The following CDH4 variants were observed in gnomAD, a reference collection of about 807,000 sequenced individuals.
CDH4 encodes cadherin-4.
A neutral mutation model predicts 86.0 loss-of-function variants in CDH4; 33 were observed. That is an observed-to-expected ratio of 0.38 (90% CI 0.29 to 0.51). The LOEUF (loss-of-function observed/expected upper bound fraction) is 0.51, where lower values mean the gene tolerates loss of function less well. Among genes scored for constraint, CDH4 ranks in the 20% least tolerant of loss-of-function variants. The pLI is 0.86. For missense variants in CDH4, 1,114 were observed against 1,307.4 expected, an observed-to-expected ratio of 0.85 and a Z score of 2.28; for synonymous variants, 555 against 549.4, an observed-to-expected ratio of 1.01 and a Z score of -0.14.
chr20:61,896,368 C>G (rs116511654), intron 8 of CDH4, among the ~76,000 whole-genome samples: 3,076 of 152,336 alleles, frequency 0.02, 107 homozygotes, highest in African/African-American at 0.07. Flanking sequence ...GCGGCCGTCC[C>G]GCATCTGGGC....
At chr20:61,465,856 C>CT (rs908023440) in intron 2 of CDH4, among the ~76,000 whole-genome samples, 3 of 147,676 alleles carry the variant, frequency 2.0e-5, no homozygotes, top group Non-Finnish European at 4.5e-5. Flanking sequence ...GTAAATAGGA[C>CT]TTTTTTTTCT....
At chr20:61,668,930 G>A (rs986212732) in intron 2 of CDH4, among the ~76,000 whole-genome samples, 59 of 152,208 alleles carry the variant, frequency 3.9e-4, no homozygotes, top group Non-Finnish European at 7.1e-4. Context: ...AGCACCGTCC[G>A]CCAGCCCCTC....
At chr20:61,317,034 T>G (rs1445071265) in intron 2 of CDH4, among the ~76,000 whole-genome samples, 5 of 151,924 alleles carry the variant, frequency 3.3e-5, no homozygotes, top group African/African-American at 4.8e-5. Context: ...TTTAGTTTAT[T>G]TATATACTTA....
chr20:61,309,052 A>G (rs976538338), intron 2 of CDH4, among the ~76,000 whole-genome samples: 1 of 152,214 alleles, frequency 6.6e-6, no homozygotes, highest in African/African-American at 2.4e-5. Flanking sequence ...GAAAATTTGG[A>G]GCCCCTTGTT....
chr20:61,436,357 A>T (rs953029340), intron 2 of CDH4: 1 of 152,250 alleles, frequency 6.6e-6, no homozygotes, highest in African/African-American at 2.4e-5. Context: ...AAAGTCTCCA[A>T]AAGACTACCC....
At chr20:61,312,056 A>G (rs1489436461) in intron 2 of CDH4, among the ~76,000 whole-genome samples, 1 of 151,904 alleles carries the variant, frequency 6.6e-6, no homozygotes, top group Non-Finnish European at 1.5e-5. Flanking sequence ...GACTGCATGT[A>G]TTTGTGATGT....
intron 2 of CDH4, among the ~76,000 whole-genome samples, chr20:61,409,145 G>A (rs1439280368): frequency 6.6e-6 from 1 of 152,208 alleles, no homozygotes; most frequent in Non-Finnish European, 1.5e-5. Flanking sequence ...ATCACGTGGT[G>A]GGGACAGCTC....
At chr20:61,559,259 A>G (rs1462560471) in intron 2 of CDH4, among the ~76,000 whole-genome samples, 1 of 152,168 alleles carries the variant, frequency 6.6e-6, no homozygotes, top group Non-Finnish European at 1.5e-5. Context: ...CGGAGGTTGC[A>G]GTAAGCCAAG....
In CDH4 at chr20:61,290,397, G is replaced by A. The variant is rs867810299; in HGVS notation, c.169+35460G>A. Among the ~76,000 whole-genome samples the A allele has an allele frequency of 5.9e-3, 331 of 56,426 alleles. 6 individuals are homozygous for A. The highest frequency in any genetic ancestry group is 0.017 in the African/African-American group (181 of 10,888). The allele number at this position is 56,426 out of a possible 152,430, so 37.0% of individuals were successfully genotyped here. ...CCCCGTATCCAATGAGACTTGCTGG[G>A]TTTATCCCCGTATCCAATGAGACTT... is the stretch of plus-strand genomic sequence containing the variant. On this transcript the variant is annotated intron_variant, in intron 2 of 15. Transcript: ENST00000614565.
At chr20:61,869,079 A>C (rs2146141584) in intron 6 of CDH4, among the ~76,000 whole-genome samples, 1 of 152,364 alleles carries the variant, frequency 6.6e-6, no homozygotes, top group African/African-American at 2.4e-5. Flanking sequence ...TTATTCTGAG[A>C]CTAAGTCTTT....
chr20:61,628,878 T>C (rs1244281623), intron 2 of CDH4, among the ~76,000 whole-genome samples: 1 of 152,260 alleles, frequency 6.6e-6, no homozygotes, highest in Non-Finnish European at 1.5e-5. Context: ...CTCTCCTTCC[T>C]GGCTTGCACA....
rs201340790 is a variant in CDH4 at position 61,296,461 on chromosome 20, G to GT, written c.169+41530dup. 5.2e-3 allele frequency among the ~76,000 whole-genome samples: 794 copies of GT among 151,874 alleles called. 3 individuals are homozygous for GT. The highest frequency in any genetic ancestry group is 8.8e-3 in the Non-Finnish European group (597 of 67,956). On this transcript the variant is annotated intron_variant, in intron 2 of 15. Transcript: ENST00000614565. ...GGCCTGCCTGACCCTGGATCTCAAA[G>GT]TTTTTTGACCATGATTCATAGAAAA...
Position 61,253,639 on chromosome 20 carries a change from G to A in CDH4, c.57+1069G>A, listed in dbSNP as rs113941640. Among the ~76,000 whole-genome samples, 458 of 152,304 alleles carry A rather than the reference G, an allele frequency of 3.0e-3. 1 individual carries two copies. Among genetic ancestry groups the A allele is most frequent in the African/African-American group, 0.011 (441 of 41,572 alleles). ...GAGCCTCCCACCGGGCTGCGGGTGC[G>A]ATTTGGAGCTTCGTGGCCGATGAAG... On this transcript the variant is annotated intron_variant, in intron 1 of 15. Transcript: ENST00000614565.
intron 2 of CDH4, among the ~76,000 whole-genome samples, chr20:61,519,943 C>T (rs531334232): frequency 2.6e-4 from 39 of 152,340 alleles, no homozygotes; most frequent in Non-Finnish European, 4.6e-4. Context: ...CCACCAACTG[C>T]TGGGCCACAT....
chr20:61,787,578 A>G (rs948810963), intron 4 of CDH4, among the ~76,000 whole-genome samples: 7 of 152,070 alleles, frequency 4.6e-5, no homozygotes, highest in African/African-American at 1.7e-4. Context: ...AACCATATCA[A>G]CCCCCAGGTG....
intron 2 of CDH4, among the ~76,000 whole-genome samples, chr20:61,545,082 G>C (rs2086068251): frequency 6.6e-6 from 1 of 152,172 alleles, no homozygotes; most frequent in Admixed American, 6.5e-5. Flanking sequence ...CTGACGCGGA[G>C]ACAGTGTCTC....
intron 2 of CDH4, among the ~76,000 whole-genome samples, chr20:61,734,729 C>G (rs946286428): frequency 6.6e-6 from 1 of 151,616 alleles, no homozygotes; most frequent in African/African-American, 2.4e-5. Flanking sequence ...GGCTTGGGGC[C>G]GTGGGGAGCT....
intron 2 of CDH4, among the ~76,000 whole-genome samples, chr20:61,299,677 A>T (rs1307632305): frequency 6.6e-6 from 1 of 152,062 alleles, no homozygotes; most frequent in Non-Finnish European, 1.5e-5. Context: ...TAATATCAGG[A>T]CCCTGGAACC....
intron 2 of CDH4, chr20:61,718,755 G>A: frequency 2.2e-6 from 1 of 463,342 alleles, no homozygotes; most frequent in Non-Finnish European, 4.5e-6. Context: ...AGGCTAACAG[G>A]CCACCCTACA....
Sources: gnomAD v4.1 joint callset for allele counts (sites outside exome capture counted in the v4.1 genomes callset) on GRCh38, gnomAD v4.1.1 for gene constraint, MANE v1.5 for transcripts, NCBI Gene and HGNC (gene_info 2026-07-23, HGNC 2026-07-21) for gene names.